MTUS2: variants seen among roughly 807,000 people sequenced by gnomAD.
The protein encoded by MTUS2 is microtubule associated scaffold protein 2, also known as microtubule-associated tumor suppressor candidate 2.
A neutral mutation model predicts 114.1 loss-of-function variants in MTUS2; 40 were observed. That is an observed-to-expected ratio of 0.35 (90% confidence interval 0.27 to 0.46). The LOEUF is 0.46. Ranked by LOEUF, MTUS2 falls within the 20% of genes least tolerant of loss-of-function variation. MTUS2 has a pLI of 1.00. For synonymous variants in MTUS2, 688 were observed against 672.0 expected (o/e 1.02, Z -0.37); for missense variants, 1,679 against 1,705.4 (o/e 0.98, Z 0.27).
At chr13:28,919,168 A>G (rs1244919066) in intron 2 of MTUS2, among the ~76,000 whole-genome samples, 2 of 152,120 alleles carry the variant, frequency 1.3e-5, no homozygotes, top group African/African-American at 2.4e-5. Context: ...AGTGAATTTC[A>G]TACCTTCAGA....
At chr13:28,936,831 T>C (rs923714807) in intron 2 of MTUS2, among the ~76,000 whole-genome samples, 15 of 152,124 alleles carry the variant, frequency 9.9e-5, no homozygotes, top group African/African-American at 3.6e-4. Flanking sequence ...GACCTTGTGG[T>C]GGAGGAAAGT....
chr13:29,073,981 C>G (rs1331762474), intron 4 of MTUS2, among the ~76,000 whole-genome samples: 1 of 152,140 alleles, frequency 6.6e-6, no homozygotes, highest in Non-Finnish European at 1.5e-5. Context: ...GTAACTTAAT[C>G]CATCCGCTCA....
At chr13:29,042,530 C>G (rs902944451) in intron 4 of MTUS2, among the ~76,000 whole-genome samples, 2 of 152,052 alleles carry the variant, frequency 1.3e-5, no homozygotes, top group African/African-American at 4.8e-5. Context: ...GAATTAGTGT[C>G]AATAGGATTT....
chr13:29,455,292 G>C (rs1011602998), intron 9 of MTUS2, among the ~76,000 whole-genome samples: 1 of 152,174 alleles, frequency 6.6e-6, no homozygotes, highest in Admixed American at 6.5e-5. Flanking sequence ...AGGGCCTGCA[G>C]GGGGCAGCTG....
At chr13:29,098,480 G>GCACACA (rs66763189) in intron 4 of MTUS2, among the ~76,000 whole-genome samples, 1 of 151,620 alleles carries the variant, frequency 6.6e-6, no homozygotes, top group African/African-American at 2.4e-5. Flanking sequence ...GTGCGTGCAT[G>GCACACA]CACACACACA....
At chr13:29,365,491 TAC>T (rs1870628544) in intron 8 of MTUS2, among the ~76,000 whole-genome samples, 9 of 87,680 alleles carry the variant, frequency 1.0e-4, no homozygotes, top group South Asian at 4.6e-4. Flanking sequence ...TTGTCATCAA[TAC>T]GTTTTTTTGT....
chr13:28,834,659 C>T (rs746819144), intron 1 of MTUS2, among the ~76,000 whole-genome samples: 8 of 152,038 alleles, frequency 5.3e-5, no homozygotes, highest in South Asian at 2.1e-4. Context: ...GCAGGAGTGA[C>T]GAATATATAG....
At chr13:29,370,129 C>T (rs1345593952) in intron 8 of MTUS2, among the ~76,000 whole-genome samples, 3 of 152,176 alleles carry the variant, frequency 2.0e-5, no homozygotes, top group East Asian at 1.9e-4. Context: ...GTGGGTGGAT[C>T]GCTTGAGCCC....
chr13:28,883,085 T>C (rs891104411), intron 2 of MTUS2, among the ~76,000 whole-genome samples: 3 of 152,092 alleles, frequency 2.0e-5, no homozygotes, highest in Non-Finnish European at 4.4e-5. Context: ...GAAATGCACA[T>C]TAAAACCACA....
intron 5 of MTUS2, among the ~76,000 whole-genome samples, chr13:29,156,133 T>A (rs1206711788): frequency 6.6e-6 from 1 of 152,150 alleles, no homozygotes; most frequent in Non-Finnish European, 1.5e-5. Context: ...GTTAATTATT[T>A]AGGGTGCTCC....
At chr13:28,845,538 G>A (rs1001212340) in intron 2 of MTUS2, among the ~76,000 whole-genome samples, 3 of 152,146 alleles carry the variant, frequency 2.0e-5, no homozygotes, top group African/African-American at 7.2e-5. Flanking sequence ...AGAGATCAAG[G>A]AGAGACACTT....
intron 5 of MTUS2, among the ~76,000 whole-genome samples, chr13:29,262,569 G>GT (rs1293310631): frequency 5.7e-4 from 70 of 122,510 alleles, no homozygotes; most frequent in African/African-American, 2.0e-3. Flanking sequence ...TGTGATTAGT[G>GT]TAAAAAAAAA....
At chr13:29,074,961 A>G (rs946221439) in intron 4 of MTUS2, among the ~76,000 whole-genome samples, 5 of 152,184 alleles carry the variant, frequency 3.3e-5, no homozygotes, top group Admixed American at 2.6e-4. Flanking sequence ...GTAATTTGAG[A>G]ACATTTCATC....
chr13:29,424,402 A>C (rs1432266972), intron 8 of MTUS2, among the ~76,000 whole-genome samples: 1 of 152,206 alleles, frequency 6.6e-6, no homozygotes, highest in African/African-American at 2.4e-5. Flanking sequence ...TTCTTTTTTT[A>C]TATAAAAATT....
chr13:28,910,444 C>T (rs1485145490), intron 2 of MTUS2, among the ~76,000 whole-genome samples: 3 of 151,966 alleles, frequency 2.0e-5, no homozygotes, highest in African/African-American at 7.3e-5. Flanking sequence ...CATAGGTAAA[C>T]GTATGCCATG....
chr13:29,164,284 A>C (rs1893224007), intron 5 of MTUS2, among the ~76,000 whole-genome samples: 3 of 152,322 alleles, frequency 2.0e-5, no homozygotes, highest in Non-Finnish European at 4.4e-5. Context: ...TCCAGTCAGC[A>C]TCATTTGCTT....
intron 8 of MTUS2, among the ~76,000 whole-genome samples, chr13:29,408,043 A>G (rs920768263): frequency 6.6e-6 from 1 of 152,164 alleles, no homozygotes; most frequent in African/African-American, 2.4e-5. Flanking sequence ...TTAGCTTACC[A>G]ATTAGAAATA....
Position 29,241,852 on chromosome 13 carries a change from A to G in MTUS2, c.2645-39852A>G, listed in dbSNP as rs564753338. Among the ~76,000 whole-genome samples, 13 of 152,176 alleles carry G rather than the reference A, an allele frequency of 8.5e-5. No homozygotes were observed. In the South Asian group the frequency reaches 2.7e-3, roughly 32 times the overall value. On this transcript the variant is annotated intron_variant, in intron 5 of 15. Transcript: ENST00000612955. ...TGGCAGTCTGTCCAATCCACCTTAGAAAGCCTTGCCCATTTCTGGGTGGGC... is the reference window on the plus strand; with the variant it reads ...TGGCAGTCTGTCCAATCCACCTTAGGAAGCCTTGCCCATTTCTGGGTGGGC...
At chr13:28,886,740 G>C (rs534380573) in intron 2 of MTUS2, among the ~76,000 whole-genome samples, 1 of 152,132 alleles carries the variant, frequency 6.6e-6, no homozygotes, top group African/African-American at 2.4e-5. Flanking sequence ...GATAAGTAAG[G>C]GGGGATAAAG....
Sources: allele counts gnomAD v4.1 joint callset (sites outside exome capture counted in the v4.1 genomes callset), GRCh38; gene constraint gnomAD v4.1.1; transcripts MANE v1.5; gene names NCBI Gene and HGNC (gene_info 2026-07-23, HGNC 2026-07-21).